The following GRAMD1B variants were observed in gnomAD, a reference collection of about 807,000 sequenced individuals.
The protein encoded by GRAMD1B is GRAM domain containing 1B, also known as protein Aster-B.
A neutral mutation model predicts 99.7 loss-of-function variants in GRAMD1B; 37 were observed. The observed-to-expected ratio is 0.37, with a 90% CI of 0.29 to 0.49. The LOEUF (loss-of-function observed/expected upper bound fraction) is 0.49. GRAMD1B is among the 20% of genes least tolerant of loss of function. The pLI, the probability that GRAMD1B is intolerant of heterozygous loss-of-function variation, is 0.98. For synonymous variants in GRAMD1B, 427 were observed against 387.6 expected (o/e 1.10, Z -1.19); for missense variants, 888 against 1,009.2 (o/e 0.88, Z 1.63).
rs756413526 is a variant in GRAMD1B, at chr11:123,461,967, C to CTT, written c.375-18833_375-18832dup. On this transcript the variant is annotated intron_variant, in intron 1 of 19. Coordinates refer to ENST00000635736, the MANE Select transcript of GRAMD1B (RefSeq NM_001387025.1). ...TTCTGGTATGGTCATTTGTTTATTT[C>CTT]TTTTTTTTTTTTTTTTTGAAATGGG... 5.0e-3 allele frequency among the ~76,000 whole-genome samples: 615 copies of CTT among 122,280 alleles called. 6 individuals are homozygous for CTT. The highest frequency in any genetic ancestry group is 9.0e-3 in the South Asian group (32 of 3,564). The allele number at this position is 122,280 out of a possible 152,430, so 80.2% of individuals were successfully genotyped here. A position where few individuals can be genotyped will look rare whatever the true frequency, so the allele number is the denominator to read the frequency against.
At chr11:123,426,314 G>T (rs1239689643), upstream of GRAMD1B, among the ~76,000 whole-genome samples, 1 of 152,062 alleles carries the variant, frequency 6.6e-6, no homozygotes, top group Non-Finnish European at 1.5e-5. Flanking sequence ...AGTCATTCAG[G>T]CCAGTCCTTA....
At position 123,574,091 on chromosome 11, in the gene GRAMD1B, A is replaced by G. The variant is rs57553855; in HGVS notation, c.453-3276A>G. 6.2e-3 allele frequency among the ~76,000 whole-genome samples: 942 copies of G among 151,762 alleles called. 6 individuals are homozygous for G. The highest frequency in any genetic ancestry group is 0.037 in the East Asian group (191 of 5,172). ...TGAACAGAATTAAAAAAAAAAAAAAAAAGAAGAAAGAGCAGGACTCCAGCA... is the reference window on the plus strand; with the variant it reads ...TGAACAGAATTAAAAAAAAAAAAAAGAAGAAGAAAGAGCAGGACTCCAGCA... On this transcript the variant is annotated intron_variant, in intron 2 of 19. Coordinates refer to ENST00000635736, the MANE Select transcript of GRAMD1B (RefSeq NM_001387025.1).
intron 2 of GRAMD1B, among the ~76,000 whole-genome samples, chr11:123,519,920 C>T (rs116743566): frequency 0.024 from 3,677 of 152,258 alleles, 156 homozygotes; most frequent in African/African-American, 0.084. Flanking sequence ...AGATAGGAGC[C>T]GATATTGTGG....
chr11:123,434,713 T>A (rs1892967), intron 1 of GRAMD1B, among the ~76,000 whole-genome samples: 128,546 of 151,790 alleles, frequency 0.85, 55,637 homozygotes, highest in East Asian at 1. Context: ...GCTTGAACTT[T>A]GTGGGCAAAG....
intron 1 of GRAMD1B, among the ~76,000 whole-genome samples, chr11:123,455,283 TA>T (rs948837967): frequency 2.6e-5 from 4 of 152,180 alleles, no homozygotes; most frequent in African/African-American, 9.7e-5. Context: ...AATTTATTTT[TA>T]TTTTTTATTT....
intron 1 of GRAMD1B, among the ~76,000 whole-genome samples, chr11:123,462,909 A>AG (rs1262939388): frequency 1.0e-4 from 15 of 150,046 alleles, no homozygotes; most frequent in African/African-American, 3.7e-4. Flanking sequence ...AAAAAAAAAA[A>AG]AAAGAAATCC....
intron 1 of GRAMD1B, among the ~76,000 whole-genome samples, chr11:123,467,235 C>A (rs906203507): frequency 1.3e-5 from 2 of 152,090 alleles, no homozygotes; most frequent in African/African-American, 4.8e-5. Flanking sequence ...GTAATCCCAG[C>A]ACTTTGGGAG....
chr11:123,444,507 G>A (rs1949550029), intron 1 of GRAMD1B, among the ~76,000 whole-genome samples: 1 of 151,992 alleles, frequency 6.6e-6, no homozygotes, highest in Admixed American at 6.6e-5. Flanking sequence ...TGTTAAAGCT[G>A]GTCAGTTGTG....
chr11:123,598,700 G>A lies in GRAMD1B; in HGVS notation c.970-1768G>A. ...AACCCAGAGAGGCCAACTCCTCCCA[G>A]GAGGAGAATGCAGAGAGGTCAAGAT... On this transcript the variant is annotated intron_variant, in intron 7 of 19. Transcript: ENST00000635736. The A allele has an allele frequency of 1.2e-5, 12 of 968,384 alleles. 1 individual carries two copies. In the South Asian group the frequency reaches 1.5e-4, roughly 12 times the overall value. The allele number at this position is 968,384 out of a possible 1,614,324, so 60.0% of individuals were successfully genotyped here.
chr11:123,397,211 C>A (rs6589999), intron 1 of GRAMD1B, among the ~76,000 whole-genome samples: 2 of 151,734 alleles, frequency 1.3e-5, no homozygotes, highest in African/African-American at 4.8e-5. Context: ...CGAGACCAGC[C>A]TGGCCAACAT....
At chr11:123,600,088 C>A (rs541438337) in intron 7 of GRAMD1B, among the ~76,000 whole-genome samples, 1 of 152,162 alleles carries the variant, frequency 6.6e-6, no homozygotes. Context: ...TGAAATAGGT[C>A]GGCAGATTAG....
chr11:123,556,660 A>G (rs1023193337), intron 2 of GRAMD1B, among the ~76,000 whole-genome samples: 1 of 152,242 alleles, frequency 6.6e-6, no homozygotes, highest in African/African-American at 2.4e-5. Flanking sequence ...ATTCAGAGAA[A>G]GGTACCCACT....
chr11:123,555,814 A>G (rs953586045), intron 2 of GRAMD1B, among the ~76,000 whole-genome samples: 1 of 151,808 alleles, frequency 6.6e-6, no homozygotes, highest in Admixed American at 6.6e-5. Context: ...GCTCACCACA[A>G]TCTCCATCTC....
chr11:123,440,416 G>C (rs573811387), intron 1 of GRAMD1B, among the ~76,000 whole-genome samples: 1 of 152,116 alleles, frequency 6.6e-6, no homozygotes, highest in Admixed American at 6.5e-5. Context: ...AGGCTGAGAC[G>C]GGAGAATCGT....
At chr11:123,571,817 C>T (rs762956410) in intron 2 of GRAMD1B, among the ~76,000 whole-genome samples, 3 of 152,126 alleles carry the variant, frequency 2.0e-5, no homozygotes, top group African/African-American at 4.8e-5. Context: ...TCCGCCACCC[C>T]GAACATTCTC....
At chr11:123,608,936 A>ACACCCT in intron 12 of GRAMD1B, 134 bp downstream of exon 12, 2 of 669,480 alleles carry the variant, frequency 3.0e-6, no homozygotes, top group Non-Finnish European at 5.1e-6. Context: ...CAGGGCCCAG[A>ACACCCT]CACCCTCTCT....
At chr11:123,402,439 T>C (rs1018866367) in intron 1 of GRAMD1B, among the ~76,000 whole-genome samples, 1 of 152,222 alleles carries the variant, frequency 6.6e-6, no homozygotes, top group Admixed American at 6.5e-5. Context: ...CCAGCCTGTA[T>C]TGAGTACGAG....
intron 2 of GRAMD1B, among the ~76,000 whole-genome samples, chr11:123,541,051 G>A (rs891611118): frequency 6.6e-5 from 10 of 151,756 alleles, no homozygotes; most frequent in African/African-American, 2.4e-4. Context: ...TCGGCTCATC[G>A]CAACCTCCGC....
Position 123,431,063 on chromosome 11 carries a change from C to T in GRAMD1B, c.271C>T (p.Pro91Ser). 1 of 703,044 alleles carries T rather than the reference C, an allele frequency of 1.4e-6. No individual in the cohort carries two copies. The highest frequency in any genetic ancestry group is 2.6e-6 in the Non-Finnish European group (1 of 384,998). 43.6% of individuals were successfully genotyped at this position (703,044 alleles called of 1,614,324 possible). The change falls in exon 1 of 20, where the codon CCG becomes TCG. Residue 91 changes from proline (P) to serine (S), a missense_variant. Physicochemically the swap from Pro to Ser is moderately conservative, Grantham distance 74 (BLOSUM62 -1). Coordinates refer to ENST00000635736, the MANE Select transcript of GRAMD1B (RefSeq NM_001387025.1). ...EITPSSDEDT[P>S]WSNCSTPSAS... ...CACGCCCTCCAGCGACGAGGACACC[C>T]CGTGGTCCAACTGCTCCACACCCAG...
Sources: gnomAD v4.1 joint callset for allele counts (sites outside exome capture counted in the v4.1 genomes callset) on GRCh38, gnomAD v4.1.1 for gene constraint, MANE v1.5 for transcripts, NCBI Gene and HGNC (gene_info 2026-07-23, HGNC 2026-07-21) for gene names.